The following PKNOX2 variants were observed in gnomAD, a reference collection of about 807,000 sequenced individuals.
PKNOX2 encodes homeobox protein PKNOX2.
A neutral mutation model predicts 53.1 loss-of-function variants in PKNOX2; 14 were observed. That is an observed-to-expected ratio of 0.26 (90% CI 0.17 to 0.41). The LOEUF is 0.41. Among genes scored for constraint, PKNOX2 ranks in the 10% least tolerant of loss-of-function variants. The pLI is 1.00. For missense variants in PKNOX2, 496 were observed against 602.8 expected (o/e 0.82, Z 1.85); for synonymous variants, 257 against 242.8 (o/e 1.06, Z -0.54).
At chr11:125,275,805 G>A (rs1049920491) in intron 2 of PKNOX2, among the ~76,000 whole-genome samples, 7 of 152,304 alleles carry the variant, frequency 4.6e-5, no homozygotes, top group African/African-American at 1.4e-4. Context: ...TTGAGACACT[G>A]AAGTAGAGGT....
chr11:125,201,026 T>C (rs1397797727), intron 1 of PKNOX2, among the ~76,000 whole-genome samples: 2 of 152,222 alleles, frequency 1.3e-5, no homozygotes, highest in Non-Finnish European at 2.9e-5. Flanking sequence ...GATCCCTTAA[T>C]GCAGACCACT....
At position 125,232,098 on chromosome 11, in the gene PKNOX2, G is replaced by T. The variant is rs79617723; in HGVS notation, c.-200-2947G>T. ...TATGTTGAACTGCAGATTGGCTTCC[G>T]CTAACATCTAAAGTTAGTCCTAATC... On this transcript the variant is annotated intron_variant, in intron 1 of 12. Transcript: ENST00000298282. Among the ~76,000 whole-genome samples, 1,461 of 152,230 alleles carry T rather than the reference G, an allele frequency of 9.6e-3. 30 individuals are homozygous for T. The highest frequency in any genetic ancestry group is 0.033 in the African/African-American group (1,378 of 41,514).
chr11:125,408,654 C>T (rs1320153803), intron 7 of PKNOX2, among the ~76,000 whole-genome samples: 1 of 152,232 alleles, frequency 6.6e-6, no homozygotes, highest in Admixed American at 6.5e-5. Flanking sequence ...TCAGCTGAAT[C>T]GAGTGAGATG....
chr11:125,414,531 C>T (rs1955766456), intron 10 of PKNOX2, among the ~76,000 whole-genome samples: 1 of 152,142 alleles, frequency 6.6e-6, no homozygotes, highest in South Asian at 2.1e-4. Flanking sequence ...GGGAAACAAG[C>T]AGACCCAGCT....
rs1181248246 is a variant in PKNOX2 at position 125,165,221 on chromosome 11, G to C, written c.-201+445G>C. On this transcript the variant is annotated intron_variant, in intron 1 of 12. Coordinates refer to ENST00000298282, the MANE Select transcript of PKNOX2 (RefSeq NM_001382323.2). This position sits in a 1 kb window ranked among gnomAD's most constrained non-coding sequence, Gnocchi z 4.5. ...CGCGCATTGTCCTCGGGTGCAAGGA[G>C]CCGGGCTGCGGACTCGAATCGCCGC... 6.6e-6 allele frequency among the ~76,000 whole-genome samples: 1 copy of C among 151,674 alleles called. No homozygotes were observed. The highest frequency in any genetic ancestry group is 2.4e-5 in the African/African-American group (1 of 41,400).
chr11:125,185,405 G>T (rs916288046), intron 1 of PKNOX2, among the ~76,000 whole-genome samples: 1 of 152,134 alleles, frequency 6.6e-6, no homozygotes, highest in Admixed American at 6.5e-5. Flanking sequence ...CCATTTTCAA[G>T]TGTGCAATTC....
At chr11:125,382,226 T>C (rs1006481613) in intron 5 of PKNOX2, among the ~76,000 whole-genome samples, 1 of 152,250 alleles carries the variant, frequency 6.6e-6, no homozygotes, top group Non-Finnish European at 1.5e-5. Context: ...AGCACAACAC[T>C]GCGTGTGCAC....
chr11:125,240,775 T>A lies in PKNOX2; in HGVS notation c.-130+5660T>A, dbSNP rs1893185. Among the ~76,000 whole-genome samples, 1 of 152,010 alleles carries A rather than the reference T, an allele frequency of 6.6e-6. No homozygotes were observed. The highest frequency in any genetic ancestry group is 2.4e-5 in the African/African-American group (1 of 41,386). ...TTTCCAAGTGCTGCTCCCAGTATCC[T>A]TGGCTGTGGGGGGACTAGTGATGGT... On this transcript the variant is annotated intron_variant, in intron 2 of 12. Transcript: ENST00000298282. The surrounding 1 kb of genome is among the most constrained non-coding windows in gnomAD (Gnocchi z 4.3).
intron 1 of PKNOX2, among the ~76,000 whole-genome samples, chr11:125,226,058 C>T (rs1409629905): frequency 6.6e-6 from 1 of 152,248 alleles, no homozygotes; most frequent in Non-Finnish European, 1.5e-5. Flanking sequence ...ATTTCTCTTG[C>T]TTCCTGTGAA....
At chr11:125,265,424 G>T (rs933295469) in intron 2 of PKNOX2, among the ~76,000 whole-genome samples, 1 of 152,188 alleles carries the variant, frequency 6.6e-6, no homozygotes, top group Admixed American at 6.5e-5. Context: ...TCTGCAAGAG[G>T]TTCCAAGGCC....
At chr11:125,204,411 T>G (rs915025277) in intron 1 of PKNOX2, among the ~76,000 whole-genome samples, 3 of 152,220 alleles carry the variant, frequency 2.0e-5, no homozygotes, top group Non-Finnish European at 2.9e-5. Flanking sequence ...ACATCAATGC[T>G]GCTGGTCCCT....
At chr11:125,270,678 A>T (rs147615208) in intron 2 of PKNOX2, among the ~76,000 whole-genome samples, 1 of 152,184 alleles carries the variant, frequency 6.6e-6, no homozygotes, top group African/African-American at 2.4e-5. Context: ...TGGAAAGCCA[A>T]TGTGGACTCC....
intron 1 of PKNOX2, among the ~76,000 whole-genome samples, chr11:125,227,090 C>T (rs140750625): frequency 1.2e-4 from 18 of 152,100 alleles, no homozygotes; most frequent in Non-Finnish European, 2.1e-4. Context: ...GGCATATATA[C>T]GTATTTTTAA....
At position 125,429,135 on chromosome 11, in the gene PKNOX2, C is replaced by T. The variant is rs781676775; in HGVS notation, c.1013+47C>T. The stretch of plus-strand genomic sequence containing the variant: ...GCAGGCTCCCAGATCCAGGGGCCAC[C>T]TTCTGGGCAGGGGAATGCGTAGCAG... On this transcript the variant is annotated intron_variant, in intron 11 of 12. Coordinates refer to ENST00000298282, the MANE Select transcript of PKNOX2 (RefSeq NM_001382323.2). 4 of 1,523,536 alleles carry T rather than the reference C, an allele frequency of 2.6e-6. No individual in the cohort carries two copies. In the Admixed American group the frequency reaches 6.7e-5, roughly 25 times the overall value. The allele number at this position is 1,523,536 out of a possible 1,614,324, so 94.4% of individuals were successfully genotyped here. A position where few individuals can be genotyped will look rare whatever the true frequency, so the allele number is the denominator to read the frequency against.
rs201459499 is a variant in PKNOX2 at position 125,382,324 on chromosome 11, C to T, written c.228-3227C>T. On this transcript the variant is annotated intron_variant, in intron 5 of 12. Coordinates refer to ENST00000298282, the MANE Select transcript of PKNOX2 (RefSeq NM_001382323.2). Reference sequence around the variant, plus strand: ...TGGTGCACACACATGCATATGCACGCGCACACACACACAAGCACACACACA... The same window carrying T: ...TGGTGCACACACATGCATATGCACGTGCACACACACACAAGCACACACACA... Among the ~76,000 whole-genome samples, 291 of 152,348 alleles carry T rather than the reference C, an allele frequency of 1.9e-3. 2 individuals carry two copies. In the East Asian group the frequency reaches 0.044, roughly 23 times the overall value.
At position 125,431,618 on chromosome 11, in the gene PKNOX2, G is replaced by C. The variant is rs1956707130; in HGVS notation, c.*226G>C. The C allele has an allele frequency of 1.8e-6, 1 of 567,804 alleles. No homozygotes were observed. Among genetic ancestry groups the C allele is most frequent in the Non-Finnish European group, 3.1e-6 (1 of 320,792 alleles). 35.2% of individuals were successfully genotyped at this position (567,804 alleles called of 1,614,324 possible). On this transcript the variant is annotated 3_prime_UTR_variant, in exon 13 of 13. Transcript: ENST00000298282. ...CTTCCCTGGAACTGCCGAGGACTCT[G>C]TTTGGCGGGGCCAGTCGAGCAGCCT...
intron 2 of PKNOX2, among the ~76,000 whole-genome samples, chr11:125,246,421 A>C (rs1417394585): frequency 6.6e-6 from 1 of 152,212 alleles, no homozygotes; most frequent in Non-Finnish European, 1.5e-5. Context: ...ATGGCAATTA[A>C]ATTTCAACAT....
intron 4 of PKNOX2, among the ~76,000 whole-genome samples, chr11:125,357,995 C>T (rs1305697688): frequency 6.6e-6 from 1 of 152,070 alleles, no homozygotes; most frequent in Non-Finnish European, 1.5e-5. Context: ...AGCTTAGAGT[C>T]CATGTGGGGC....
intron 1 of PKNOX2, among the ~76,000 whole-genome samples, chr11:125,220,263 T>C (rs1359020622): frequency 6.6e-6 from 1 of 152,210 alleles, no homozygotes; most frequent in Admixed American, 6.5e-5. Context: ...CTTACACTTT[T>C]TGATTTTTGA....
Sources: gnomAD v4.1 joint callset for allele counts (sites outside exome capture counted in the v4.1 genomes callset) on GRCh38, gnomAD v4.1.1 for gene constraint, Gnocchi (gnomAD v3.1) non-coding constraint, MANE v1.5 for transcripts, NCBI Gene and HGNC (gene_info 2026-07-23, HGNC 2026-07-21) for gene names.